NECTIN3: variants seen among roughly 807,000 people sequenced by gnomAD.
NECTIN3 encodes the protein nectin cell adhesion molecule 3, also known as nectin-3.
Under a neutral mutation model 49.4 loss-of-function variants are expected in NECTIN3, and 8 were observed. That is an observed-to-expected ratio of 0.16 (90% confidence interval 0.10 to 0.29). The LOEUF is 0.29. Among genes scored for constraint, NECTIN3 ranks in the 10% least tolerant of loss-of-function variants. The probability of loss-of-function intolerance (pLI) is 1.00; values close to 1 mark genes in which losing one functional copy is unlikely to be tolerated. For synonymous variants in NECTIN3, 277 were observed against 241.1 expected (o/e 1.15, Z -1.38); for missense variants, 581 against 654.6 (o/e 0.89, Z 1.23).
intron 2 of NECTIN3, among the ~76,000 whole-genome samples, chr3:111,115,039 T>C (rs1283924113): frequency 6.6e-6 from 1 of 152,066 alleles, no homozygotes; most frequent in East Asian, 1.9e-4. Context: ...TTGTTGAAAT[T>C]TGGGGGCAGA....
intron 6 of NECTIN3, among the ~76,000 whole-genome samples, chr3:111,145,997 T>C (rs905579122): frequency 6.6e-6 from 1 of 152,196 alleles, no homozygotes. Context: ...CCTCATTTTT[T>C]TCACCTAAAT....
At position 111,144,779 on chromosome 3, in the gene NECTIN3, C is replaced by G. The variant is rs551102610; in HGVS notation, c.1001-120C>G. On this transcript the variant is annotated intron_variant, in intron 5 of 8. Transcript: ENST00000493615. ...CCTAATGAATGAAATTTGGGGTCCT[C>G]TAACCTGGCTCTTGGATAACATACT... is the stretch of plus-strand genomic sequence containing the variant. 5.1e-6 allele frequency: 6 copies of G among 1,185,272 alleles called. No homozygotes were observed. In the African/African-American group the frequency reaches 6.2e-5, roughly 12 times the overall value. The allele number at this position is 1,185,272 out of a possible 1,614,324, so 73.4% of individuals were successfully genotyped here.
chr3:111,158,405 T>C (rs188433805), intron 7 of NECTIN3, among the ~76,000 whole-genome samples: 64 of 152,194 alleles, frequency 4.2e-4, no homozygotes, highest in African/African-American at 1.5e-3. Context: ...CAGTAATTCT[T>C]TAGACTATCA....
At chr3:111,193,865 C>A (rs1469456619) in intron 1 of NECTIN3, among the ~76,000 whole-genome samples, 1 of 152,174 alleles carries the variant, frequency 6.6e-6, no homozygotes, top group Non-Finnish European at 1.5e-5. Context: ...AATTACAATA[C>A]CTGTGTACAA....
intron 1 of NECTIN3, among the ~76,000 whole-genome samples, chr3:111,098,663 A>G (rs533965267): frequency 6.1e-4 from 93 of 152,282 alleles, no homozygotes; most frequent in Non-Finnish European, 1.2e-3. Flanking sequence ...ATTTTTCCAA[A>G]TAAGATAACA....
chr3:111,186,577 T>C (rs1028961122), intron 7 of NECTIN3, among the ~76,000 whole-genome samples: 10 of 152,230 alleles, frequency 6.6e-5, no homozygotes, highest in Admixed American at 6.5e-4. Flanking sequence ...TATTGGATAC[T>C]ATGCCTATTA....
chr3:111,146,391 G>C (rs1314558889), intron 6 of NECTIN3, among the ~76,000 whole-genome samples: 1 of 141,694 alleles, frequency 7.1e-6, no homozygotes, highest in African/African-American at 2.7e-5. Context: ...CGGAGATCCC[G>C]CCACTGCACT....
At chr3:111,180,780 A>G (rs1276256240) in intron 7 of NECTIN3, among the ~76,000 whole-genome samples, 4 of 152,212 alleles carry the variant, frequency 2.6e-5, no homozygotes, top group Non-Finnish European at 5.9e-5. Context: ...AAACTTCTGC[A>G]TCAGGGACAG....
At chr3:111,103,916 T>C (rs1376047936) in intron 1 of NECTIN3, among the ~76,000 whole-genome samples, 1 of 152,204 alleles carries the variant, frequency 6.6e-6, no homozygotes, top group African/African-American at 2.4e-5. Flanking sequence ...CGTCTCTTGA[T>C]GGACATTTGG....
chr3:111,132,502 A>G (rs1424329019), intron 5 of NECTIN3, among the ~76,000 whole-genome samples: 2 of 151,846 alleles, frequency 1.3e-5, no homozygotes, highest in Non-Finnish European at 1.5e-5. Flanking sequence ...CATTTGGGTC[A>G]TTTATTTCTT....
In NECTIN3 at chr3:111,118,660, A is replaced by C. The variant is rs2033812486; in HGVS notation, c.507A>C (p.Glu169Asp). Residue 169 changes from glutamate (E) to aspartate (D), a missense_variant, in exon 3 of 6, where the codon GAA becomes GAC. This residue lies in a region of NECTIN3 where 234 missense variants were observed against 340.6 expected (regional missense o/e 0.69). Coordinates refer to ENST00000485303, the MANE Select transcript of NECTIN3 (RefSeq NM_015480.3). ...QSSTTVTVLVEPTVSLIKGPD... is the reference protein window; with the variant it reads ...QSSTTVTVLVDPTVSLIKGPD... ...ATTAAAAAAATATTTAAACAGTTGA[A>C]CCCACTGTGAGCCTGATAAAAGGGC... 6.3e-7 allele frequency: 1 copy of C among 1,583,904 alleles called. No individual in the cohort carries two copies. The highest frequency in any genetic ancestry group is 1.1e-5 in the South Asian group (1 of 87,582).
intron 1 of NECTIN3, 68 bp downstream of exon 1, chr3:111,072,245 G>T: frequency 6.7e-7 from 1 of 1,485,626 alleles, no homozygotes; most frequent in Non-Finnish European, 8.9e-7. Flanking sequence ...GCCGCGGCCG[G>T]CTCTGCCAGC....
chr3:111,185,081 G>C (rs1467444084), intron 7 of NECTIN3, among the ~76,000 whole-genome samples: 1 of 152,296 alleles, frequency 6.6e-6, no homozygotes, highest in Admixed American at 6.5e-5. Context: ...TCTTTGCTCT[G>C]TGCATGCCCA....
intron 7 of NECTIN3, among the ~76,000 whole-genome samples, chr3:111,167,428 C>G (rs1019688553): frequency 6.6e-6 from 1 of 152,014 alleles, no homozygotes; most frequent in African/African-American, 2.4e-5. Context: ...ACTAGCTGTT[C>G]CTGAGTAAAA....
chr3:111,139,735 G>A (rs924855798), downstream of NECTIN3, among the ~76,000 whole-genome samples: 1 of 151,512 alleles, frequency 6.6e-6, no homozygotes, highest in Non-Finnish European at 1.5e-5. Flanking sequence ...CTCTTCTCCA[G>A]ATCAGTAAAA....
At chr3:111,100,251 G>T (rs905616909) in intron 1 of NECTIN3, among the ~76,000 whole-genome samples, 32 of 152,098 alleles carry the variant, frequency 2.1e-4, no homozygotes, top group African/African-American at 7.5e-4. Flanking sequence ...TATGAGAATT[G>T]GTAGATTTTT....
At chr3:111,139,061 G>T (rs1018197581), downstream of NECTIN3, among the ~76,000 whole-genome samples, 3 of 151,586 alleles carry the variant, frequency 2.0e-5, no homozygotes, top group African/African-American at 7.3e-5. Context: ...GTTATCATCA[G>T]TTCCTGGTCA....
chr3:111,115,745 A>G (rs868366565), intron 2 of NECTIN3, among the ~76,000 whole-genome samples: 5 of 152,360 alleles, frequency 3.3e-5, no homozygotes, highest in Middle Eastern at 3.4e-3. Context: ...TGTCTCAGCC[A>G]TGAGGCCATG....
At chr3:111,193,489 C>G in intron 1 of NECTIN3, 1 of 1,216,754 alleles carries the variant, frequency 8.2e-7, no homozygotes, top group Non-Finnish European at 1.1e-6. Flanking sequence ...CAGTCCCACT[C>G]TAAGGGTATT....
Sources: allele counts gnomAD v4.1 joint callset (sites outside exome capture counted in the v4.1 genomes callset), GRCh38; gene constraint gnomAD v4.1.1; regional missense constraint gnomAD v4.1.1; transcripts MANE v1.5; gene names NCBI Gene and HGNC (gene_info 2026-07-23, HGNC 2026-07-21).